The following CIMIP2A variants were observed in gnomAD, a reference collection of about 807,000 sequenced individuals.
CIMIP2A encodes ciliary microtubule inner protein 2A.
chr9:137,245,724 G>A, the CIMIP2A span: 46 of 1,602,484 alleles, frequency 2.9e-5, no homozygotes, highest in Non-Finnish European at 6.8e-6. Flanking sequence ...CAATGAACTT[G>A]GGTTTGGACA....
the CIMIP2A span, chr9:137,244,867 T>G: frequency 6.4e-7 from 1 of 1,566,604 alleles, no homozygotes; most frequent in Non-Finnish European, 8.6e-7. Context: ...GGCGACTGTC[T>G]GATGTGGCCA....
the CIMIP2A span, chr9:137,252,663 G>A: frequency 6.5e-7 from 1 of 1,543,288 alleles, no homozygotes; most frequent in Non-Finnish European, 8.8e-7. Context: ...CCCTCGCAGT[G>A]GCCCTCGCCA....
At chr9:137,253,412 C>A in the CIMIP2A span, 1 of 1,462,790 alleles carries the variant, frequency 6.8e-7, no homozygotes, top group Non-Finnish European at 9.0e-7. Context: ...GGGCTGTGGA[C>A]AAGGCTGGCC....
At chr9:137,247,816 C>T in the CIMIP2A span, 19 of 1,182,952 alleles carry the variant, frequency 1.6e-5, no homozygotes, top group Non-Finnish European at 2.2e-5. Context: ...GAGGGGCCAG[C>T]ATTGTGGGCA....
chr9:137,243,707 G>A, the CIMIP2A span: 38 of 1,614,054 alleles, frequency 2.4e-5, no homozygotes, highest in Non-Finnish European at 3.1e-5. Context: ...TTTTCATAGT[G>A]TGTGGTTTCG....
At chr9:137,251,357 C>G in the CIMIP2A span, 1 of 1,613,484 alleles carries the variant, frequency 6.2e-7, no homozygotes, top group East Asian at 2.2e-5. Flanking sequence ...AAACACTGGA[C>G]CCATGGTCAC....
chr9:137,245,548 G>A, the CIMIP2A span: 437 of 1,613,780 alleles, frequency 2.7e-4, 3 homozygotes, highest in East Asian at 9.1e-3. Context: ...GTTCTTAGAG[G>A]GCTTCAGACC....
At chr9:137,243,969 G>T in the CIMIP2A span, among the ~76,000 whole-genome samples, 69 of 152,214 alleles carry the variant, frequency 4.5e-4, no homozygotes, top group Non-Finnish European at 8.2e-4. Context: ...GGCTCGGCCT[G>T]TGTCTGGGAC....
the CIMIP2A span, chr9:137,253,110 G>A: frequency 1.6e-5 from 25 of 1,553,984 alleles, no homozygotes; most frequent in Non-Finnish European, 2.1e-5. Context: ...CTTCTCTTTC[G>A]GCAGCCCGAA....
At chr9:137,244,469 T>G in the CIMIP2A span, 1 of 1,498,640 alleles carries the variant, frequency 6.7e-7, no homozygotes, top group Non-Finnish European at 8.9e-7. Context: ...CAAGCAAGAC[T>G]CAGGAGAGAG....
the CIMIP2A span, among the ~76,000 whole-genome samples, chr9:137,246,492 G>A: frequency 4.2e-4 from 64 of 152,338 alleles, 1 homozygote; most frequent in Admixed American, 2.0e-3. Flanking sequence ...GGCCGGGCGC[G>A]GTGGCTCACG....
At chr9:137,252,952 C>G in the CIMIP2A span, 2 of 1,596,058 alleles carry the variant, frequency 1.3e-6, no homozygotes, top group Non-Finnish European at 1.7e-6. Context: ...CGTTCACCTC[C>G]TGGCTCAGCA....
chr9:137,246,679 C>T, the CIMIP2A span, among the ~76,000 whole-genome samples: 10 of 152,194 alleles, frequency 6.6e-5, no homozygotes, highest in Admixed American at 3.3e-4. Flanking sequence ...AGGAGAATGG[C>T]GTGAACCCAG....
the CIMIP2A span, among the ~76,000 whole-genome samples, chr9:137,249,762 C>T: frequency 2.6e-5 from 4 of 152,204 alleles, no homozygotes; most frequent in Non-Finnish European, 5.9e-5. Flanking sequence ...ATGGAAGCGC[C>T]AGCCCCTCCC....
At chr9:137,252,440 G>A in the CIMIP2A span, 1 of 1,610,208 alleles carries the variant, frequency 6.2e-7, no homozygotes, top group Non-Finnish European at 8.5e-7. Context: ...ACTACAGAGG[G>A]CGGTGGCCGC....
chr9:137,252,074 G>A, the CIMIP2A span: 2,229 of 1,612,960 alleles, frequency 1.4e-3, 25 homozygotes, highest in African/African-American at 0.026. Flanking sequence ...TGCCGAGCCC[G>A]TCCGTACGAG....
chr9:137,245,318 T>TG, the CIMIP2A span: 2 of 1,589,592 alleles, frequency 1.3e-6, no homozygotes, highest in Non-Finnish European at 8.6e-7. Flanking sequence ...TGGTGCTGCC[T>TG]GGGGGCCTCG....
chr9:137,246,970 G>A, the CIMIP2A span, among the ~76,000 whole-genome samples: 1,390 of 152,086 alleles, frequency 9.1e-3, 24 homozygotes, highest in African/African-American at 0.032. Flanking sequence ...GCAGCCTGGC[G>A]TTTGCTTGCC....
At chr9:137,252,892 C>A in the CIMIP2A span, 1 of 1,595,598 alleles carries the variant, frequency 6.3e-7, no homozygotes, top group Non-Finnish European at 8.5e-7. Context: ...TTCCTGGGAG[C>A]CGCCTGCAGA....
Sources: allele counts gnomAD v4.1 joint callset (sites outside exome capture counted in the v4.1 genomes callset), GRCh38; gene constraint gnomAD v4.1.1; transcripts MANE v1.5; gene names NCBI Gene and HGNC (gene_info 2026-07-23, HGNC 2026-07-21).